Variants in ZBTB33 observed in about 807,000 individuals in gnomAD.
The protein encoded by ZBTB33 is zinc finger and BTB domain containing 33, also known as transcriptional regulator Kaiso.
Under a neutral mutation model 25.9 loss-of-function variants are expected in ZBTB33, and 11 were observed. The observed-to-expected ratio is 0.42, with a 90% CI of 0.27 to 0.70. The LOEUF (loss-of-function observed/expected upper bound fraction) is 0.70, where lower values mean the gene tolerates loss of function less well. ZBTB33 is among the 30% of genes least tolerant of loss of function. The pLI is 0.23. For missense variants in ZBTB33, 343 were observed against 501.1 expected (o/e 0.68, Z 3.01); for synonymous variants, 157 against 184.8 (o/e 0.85, Z 1.22).
rs782439868 is a variant in ZBTB33, at chrX:120,254,979, T to A, written c.1564T>A (p.Tyr522Asn). The change falls in exon 3 of 3, where the codon TAT becomes AAT. Residue 522 changes from tyrosine to asparagine, a missense_variant. Tyr to Asn is a moderately radical substitution (Grantham distance 143). Around this residue, in one of 2 missense-constraint regions of ZBTB33, gnomAD observed 304 missense variants for 410.0 expected, o/e 0.74. Coordinates refer to ENST00000557385, the MANE Select transcript of ZBTB33 (RefSeq NM_001184742.2). ...HFNIHSWEKK[Y>N]PCRYCEKVFP... ...TAACATTCATTCTTGGGAGAAGAAG[T>A]ATCCGTGCCGTTACTGTGAGAAGGT... 1 of 1,212,084 alleles carries A rather than the reference T, an allele frequency of 8.3e-7. No homozygotes were observed. Among genetic ancestry groups the A allele is most frequent in the Non-Finnish European group, 1.1e-6 (1 of 895,551 alleles).
rs782615872 is a variant in ZBTB33 at position 120,254,314 on chromosome X, A to C, written c.899A>C (p.Asn300Thr). 1.1e-5 allele frequency: 13 copies of C among 1,212,036 alleles called. No individual in the cohort carries two copies. The South Asian group carries it at 2.3e-4, about 21-fold the overall frequency. The part of the protein sequence containing the change: ...TPPNVSSSLP[N>T]HMPSSINLLV... ...CCAAATGTCAGTTCTTCACTTCCAA[A>C]TCATATGCCCTCTTCAATCAATTTA... The change falls in exon 3 of 3, where the codon AAT becomes ACT. Residue 300 changes from asparagine (N) to threonine (T), a missense_variant. Coordinates refer to ENST00000557385, the MANE Select transcript of ZBTB33 (RefSeq NM_001184742.2).
intron 2 of ZBTB33, 127 bp downstream of exon 2, chrX:120,252,897 C>CGG: frequency 8.9e-6 from 1 of 112,110 alleles, no homozygotes; most frequent in Non-Finnish European, 1.9e-5. Flanking sequence ...GGTGTAGATT[C>CGG]TGCATATATT....
rs2057646885 is a variant in ZBTB33, at chrX:120,257,570, T to G, written c.*2136T>G. On this transcript the variant is annotated 3_prime_UTR_variant, in exon 3 of 3. Transcript: ENST00000557385. ...TGCTGCTGCTGTGCTCTGTAAATTC[T>G]GAATATGACATTTAAACTCTGTGCC... is the stretch of plus-strand genomic sequence containing the variant. 8.1e-6 allele frequency: 1 copy of G among 123,619 alleles called. No homozygotes were observed. The highest frequency in any genetic ancestry group is 3.2e-5 in the African/African-American group (1 of 30,929). 10.2% of individuals were successfully genotyped at this position (123,619 alleles called of 1,213,427 possible).
At chrX:120,252,646 T>C (rs2057607836) in intron 1 of ZBTB33, 23 bp from the exon 2 acceptor site, 1 of 112,388 alleles carries the variant, frequency 8.9e-6, no homozygotes. Context: ...TTCCTTTTCC[T>C]TTGTCATATT....
chrX:120,252,700 A>C lies in ZBTB33; in HGVS notation c.-73A>C, dbSNP rs1351543921. ...TTGACTTCACTTGGCACTGTTTAAC[A>C]TTCCACCTCTGGAAATTGTAAAGAT... is the stretch of plus-strand genomic sequence containing the variant. On this transcript the variant is annotated 5_prime_UTR_variant, in exon 2 of 3. Coordinates refer to ENST00000557385, the MANE Select transcript of ZBTB33 (RefSeq NM_001184742.2). 8.9e-6 allele frequency: 1 copy of C among 112,102 alleles called. No homozygotes were observed. Among genetic ancestry groups the C allele is most frequent in the African/African-American group, 3.2e-5 (1 of 30,805 alleles). 9.2% of individuals were successfully genotyped at this position (112,102 alleles called of 1,213,427 possible).
Position 120,253,816 on chromosome X carries a change from A to G in ZBTB33, c.401A>G (p.Asn134Ser). 1 of 1,211,442 alleles carries G rather than the reference A, an allele frequency of 8.3e-7. No individual in the cohort carries two copies. Among genetic ancestry groups the G allele is most frequent in the Non-Finnish European group, 1.1e-6 (1 of 895,420 alleles). ...ATCTCAGGTACAGCGCAGGATGGTA[A>G]TACTGAGCCTTTACCTCCTGATTCT... ...KSISGTAQDGNTEPLPPDSGD... is the reference protein window; with the variant it reads ...KSISGTAQDGSTEPLPPDSGD... The change falls in exon 3 of 3, where the codon AAT (asparagine) becomes AGT (serine). Residue 134 changes from asparagine (N) to serine (S), a missense_variant. Around this residue, in one of 2 missense-constraint regions of ZBTB33, gnomAD observed 304 missense variants for 410.0 expected, o/e 0.74. Transcript: ENST00000557385.
intron 1 of ZBTB33, among the ~76,000 whole-genome samples, chrX:120,251,638 A>T (rs2057601295): frequency 9.1e-6 from 1 of 110,125 alleles, no homozygotes; most frequent in Admixed American, 9.6e-5. Flanking sequence ...GGTTTGTTTC[A>T]CTCCCTCGCG....
rs782440342 is a variant in ZBTB33 at position 120,254,324 on chromosome X, C to T, written c.909C>T (p.Pro303=). Residue 303 remains proline (P), a synonymous_variant, in exon 3 of 3, where the codon CCC becomes CCT. Transcript: ENST00000557385. ...GTTCTTCACTTCCAAATCATATGCC[C>T]TCTTCAATCAATTTACTTGTGCAGA... ...NVSSSLPNHM[P]SSINLLVQNQ... The T allele has an allele frequency of 8.3e-6, 10 of 1,210,087 alleles. No homozygotes were observed. The Admixed American group carries it at 1.3e-4, about 16-fold the overall frequency.
Position 120,255,150 on chromosome X carries a change from G to A in ZBTB33, c.1735G>A (p.Gly579Arg). 8.3e-7 allele frequency: 1 copy of A among 1,211,792 alleles called. No homozygotes were observed. Among genetic ancestry groups the A allele is most frequent in the Non-Finnish European group, 1.1e-6 (1 of 895,486 alleles). ...IKSVHSQDPS[G>R]DSKLYRLHPC... ...GTCAGTTCATAGTCAAGATCCTTCT[G>A]GGGACTCAAAGCTTTATCGTTTACA... is the stretch of plus-strand genomic sequence containing the variant. Residue 579 changes from glycine (G) to arginine (R), a missense_variant, in exon 3 of 3, where the codon GGG becomes AGG. Gly to Arg is a moderately radical substitution (Grantham distance 125, BLOSUM62 -2). This residue lies in a region of ZBTB33 where 304 missense variants were observed against 410.0 expected (regional missense o/e 0.74). Coordinates refer to ENST00000557385, the MANE Select transcript of ZBTB33 (RefSeq NM_001184742.2).
At position 120,254,085 on chromosome X, in the gene ZBTB33, G is replaced by A. The variant is rs146663704; in HGVS notation, c.670G>A (p.Val224Ile). ...VAQVQSNPGP[V>I]AISDVAPSAS... Reference sequence around the variant, plus strand: ...ACAGGTCCAATCTAACCCAGGCCCTGTTGCTATTTCAGATGTTGCACCTAG... The same window carrying A: ...ACAGGTCCAATCTAACCCAGGCCCTATTGCTATTTCAGATGTTGCACCTAG... Residue 224 changes from valine to isoleucine, a missense_variant, in exon 3 of 3, where the codon GTT (valine) becomes ATT (isoleucine). Coordinates refer to ENST00000557385, the MANE Select transcript of ZBTB33 (RefSeq NM_001184742.2). 566 of 1,209,315 alleles carry A rather than the reference G, an allele frequency of 4.7e-4. 2 individuals carry two copies. In the African/African-American group the frequency reaches 7.8e-3, roughly 17 times the overall value.
chrX:120,257,276 T>C lies in ZBTB33; in HGVS notation c.*1842T>C. The C allele has an allele frequency of 8.2e-6, 1 of 122,603 alleles. No individual in the cohort carries two copies. The highest frequency in any genetic ancestry group is 2.8e-4 in the East Asian group (1 of 3,593). The allele number at this position is 122,603 out of a possible 1,213,427, so 10.1% of individuals were successfully genotyped here. A position where few individuals can be genotyped will look rare whatever the true frequency, so the allele number is the denominator to read the frequency against. ...GTGTAGATATTAATAACATTACTCT[T>C]TGACTATAGTGTGCACTCTGAAATG... On this transcript the variant is annotated 3_prime_UTR_variant, in exon 3 of 3. Transcript: ENST00000557385.
rs1556015583 is a variant in ZBTB33, at chrX:120,256,927, A to G, written c.*1493A>G. 8.2e-6 allele frequency: 1 copy of G among 122,433 alleles called. No homozygotes were observed. Among genetic ancestry groups the G allele is most frequent in the Non-Finnish European group, 1.9e-5 (1 of 53,050 alleles). The allele number at this position is 122,433 out of a possible 1,213,427, so 10.1% of individuals were successfully genotyped here. A position where few individuals can be genotyped will look rare whatever the true frequency, so the allele number is the denominator to read the frequency against. ...TTCTCCTGACCATGTATTTTAAAAT[A>G]TAGTCTATTTCTTGACTTTGAACTT... On this transcript the variant is annotated 3_prime_UTR_variant, in exon 3 of 3. Coordinates refer to ENST00000557385, the MANE Select transcript of ZBTB33 (RefSeq NM_001184742.2).
rs573793410 is a variant in ZBTB33, at chrX:120,255,926, C to T, written c.*492C>T. ...TGGAAAATGTCAGAATAAGTCAGTA[C>T]TTGGGTTGTGTAATCTGCTAGTCCA... On this transcript the variant is annotated 3_prime_UTR_variant, in exon 3 of 3. Transcript: ENST00000557385. 8.0e-6 allele frequency: 1 copy of T among 124,592 alleles called. No homozygotes were observed. Among genetic ancestry groups the T allele is most frequent in the African/African-American group, 3.2e-5 (1 of 30,866 alleles). The allele number at this position is 124,592 out of a possible 1,213,427, so 10.3% of individuals were successfully genotyped here.
chrX:120,253,806 C>T lies in ZBTB33; in HGVS notation c.391C>T (p.Gln131Ter). Residue 131 changes from glutamine (Q) to a stop codon, truncating the protein, a stop_gained, in exon 3 of 3, where the codon CAG becomes TAG. Coordinates refer to ENST00000557385, the MANE Select transcript of ZBTB33 (RefSeq NM_001184742.2). LOFTEE classifies it high-confidence loss of function. Reference sequence around the variant, plus strand: ...GGTTAAAAGCATCTCAGGTACAGCGCAGGATGGTAATACTGAGCCTTTACC... The same window carrying T: ...GGTTAAAAGCATCTCAGGTACAGCGTAGGATGGTAATACTGAGCCTTTACC... Reference protein sequence around the residue: ...SQVKSISGTAQDGNTEPLPPD... With the variant: ...SQVKSISGTA The T allele has an allele frequency of 8.3e-7, 1 of 1,211,394 alleles. No individual in the cohort carries two copies. Among genetic ancestry groups the T allele is most frequent in the Admixed American group, 2.2e-5 (1 of 45,992 alleles).
intron 1 of ZBTB33, among the ~76,000 whole-genome samples, chrX:120,251,565 T>C (rs2057600385): frequency 1.8e-5 from 2 of 111,439 alleles, no homozygotes; most frequent in African/African-American, 6.5e-5. Context: ...GCAGGGTCCA[T>C]ATGGGGAAGA....
At chrX:120,251,399 C>T (rs1299380294) in intron 1 of ZBTB33, among the ~76,000 whole-genome samples, 3 of 102,258 alleles carry the variant, frequency 2.9e-5, no homozygotes, top group Admixed American at 2.0e-4. Flanking sequence ...TTCGCTTCAT[C>T]CCCCCCCCAA....
chrX:120,253,846 A>G lies in ZBTB33; in HGVS notation c.431A>G (p.Asp144Gly), dbSNP rs139816581. 2.4e-4 allele frequency: 288 copies of G among 1,209,566 alleles called. No homozygotes were observed. The highest frequency in any genetic ancestry group is 3.7e-4 in the Admixed American group (17 of 45,685). The change falls in exon 3 of 3, where the codon GAC (aspartate) becomes GGC (glycine). Residue 144 changes from aspartate (D) to glycine (G), a missense_variant. Physicochemically the swap from Asp to Gly is moderately conservative, Grantham distance 94. Transcript: ENST00000557385. ...GAGCCTTTACCTCCTGATTCTGGTG[A>G]CAAGAACCTTGTAATACAGAAATCA... ...NTEPLPPDSG[D>G]KNLVIQKSKD... is the part of the protein sequence containing the mutation.
intron 2 of ZBTB33, among the ~76,000 whole-genome samples, 156 bp downstream of exon 2, chrX:120,252,926 T>C (rs2147169684): frequency 8.9e-6 from 1 of 112,228 alleles, no homozygotes; most frequent in Admixed American, 9.4e-5. Flanking sequence ...TTAGTTAAAA[T>C]TAAGAGTATG....
rs781874304 is a variant in ZBTB33, at chrX:120,254,309, T to C, written c.894T>C (p.Leu298=). The C allele has an allele frequency of 2.5e-6, 3 of 1,211,930 alleles. No individual in the cohort carries two copies. The highest frequency in any genetic ancestry group is 3.5e-5 in the South Asian group (2 of 57,018). Residue 298 remains leucine (L), a synonymous_variant, in exon 3 of 3, where the codon CTT becomes CTC. Transcript: ENST00000557385. The part of the protein sequence containing the change: ...LSTPPNVSSS[L]PNHMPSSINL... ...CACCACCAAATGTCAGTTCTTCACT[T>C]CCAAATCATATGCCCTCTTCAATCA... is the stretch of plus-strand genomic sequence containing the variant.
Sources: gnomAD v4.1 joint callset for allele counts (sites outside exome capture counted in the v4.1 genomes callset) on GRCh38, gnomAD v4.1.1 for gene constraint, gnomAD v4.1.1 regional missense constraint, MANE v1.5 for transcripts, NCBI Gene and HGNC (gene_info 2026-07-23, HGNC 2026-07-21) for gene names.